Variants in BMPR1B observed in about 807,000 individuals in gnomAD.
BMPR1B encodes the protein bone morphogenetic protein receptor type-1B.
A neutral mutation model predicts 59.1 loss-of-function variants in BMPR1B; 12 were observed. The ratio of observed to expected loss-of-function variants is 0.20; its 90% CI spans 0.13 to 0.33. BMPR1B has a LOEUF of 0.33. Among genes scored for constraint, BMPR1B ranks in the 10% least tolerant of loss-of-function variants. The probability of loss-of-function intolerance (pLI) is 1.00; values close to 1 mark genes in which losing one functional copy is unlikely to be tolerated. For synonymous variants in BMPR1B, 237 were observed against 207.3 expected (o/e 1.14, Z -1.23); for missense variants, 550 against 610.9 (o/e 0.90, Z 1.05).
intron 2 of BMPR1B, among the ~76,000 whole-genome samples, chr4:94,944,378 C>T (rs927049069): frequency 1.3e-5 from 2 of 152,148 alleles, no homozygotes. Context: ...ATATCTGCTT[C>T]TGATCCGGGA....
intron 3 of BMPR1B, among the ~76,000 whole-genome samples, chr4:95,012,320 A>G (rs1337156321): frequency 1.3e-5 from 2 of 152,188 alleles, no homozygotes; most frequent in African/African-American, 4.8e-5. Context: ...CTATTAGACA[A>G]TTAAGGAACT....
intron 2 of BMPR1B, among the ~76,000 whole-genome samples, chr4:94,904,704 A>T (rs1727972531): frequency 6.6e-6 from 1 of 152,088 alleles, no homozygotes; most frequent in African/African-American, 2.4e-5. Context: ...AAGTTCTCTG[A>T]GGTTTTAAAA....
intron 1 of BMPR1B, among the ~76,000 whole-genome samples, chr4:94,824,677 G>T (rs1195307248): frequency 1.3e-5 from 2 of 152,086 alleles, no homozygotes; most frequent in Non-Finnish European, 2.9e-5. Context: ...AGGCAAATAA[G>T]AATTTTATTT....
At chr4:95,127,497 T>TA (rs1348088052) in intron 8 of BMPR1B, among the ~76,000 whole-genome samples, 1 of 152,178 alleles carries the variant, frequency 6.6e-6, no homozygotes, top group Non-Finnish European at 1.5e-5. Flanking sequence ...AAACTGCTTA[T>TA]GTTAGGAAAT....
At chr4:95,028,502 C>T (rs532840073) in intron 3 of BMPR1B, among the ~76,000 whole-genome samples, 1 of 152,204 alleles carries the variant, frequency 6.6e-6, no homozygotes, top group African/African-American at 2.4e-5. Flanking sequence ...TCTTGTCTCC[C>T]ATGGCTGGAA....
chr4:94,882,650 A>G (rs1007292643), intron 2 of BMPR1B, among the ~76,000 whole-genome samples: 3 of 152,218 alleles, frequency 2.0e-5, no homozygotes, highest in Non-Finnish European at 4.4e-5. Context: ...TAGAATTGGT[A>G]GGGTGGAGAT....
chr4:94,905,680 G>T (rs573928032), intron 2 of BMPR1B, among the ~76,000 whole-genome samples: 1 of 152,022 alleles, frequency 6.6e-6, no homozygotes, highest in South Asian at 2.1e-4. Flanking sequence ...GCATAGCCTG[G>T]CAGCTGTGAT....
chr4:95,085,949 C>T (rs936055691), intron 3 of BMPR1B, among the ~76,000 whole-genome samples: 3 of 151,652 alleles, frequency 2.0e-5, no homozygotes, highest in Non-Finnish European at 4.4e-5. Flanking sequence ...TAATTTGTTA[C>T]CTGTTGACCC....
At chr4:94,902,049 GT>G in intron 2 of BMPR1B, among the ~76,000 whole-genome samples, 1 of 37,888 alleles carries the variant, frequency 2.6e-5, no homozygotes, top group South Asian at 1.1e-3. Flanking sequence ...ACTGCATGGT[GT>G]GTGTGTGTGT....
At chr4:94,942,613 A>G (rs1022573603) in intron 2 of BMPR1B, among the ~76,000 whole-genome samples, 1 of 152,180 alleles carries the variant, frequency 6.6e-6, no homozygotes, top group African/African-American at 2.4e-5. Flanking sequence ...GAAATATATC[A>G]TTTTCAAATT....
chr4:94,955,060 A>C (rs1430297927), intron 2 of BMPR1B, among the ~76,000 whole-genome samples: 1 of 152,288 alleles, frequency 6.6e-6, no homozygotes, highest in South Asian at 2.1e-4. Flanking sequence ...CTTAGAACTT[A>C]TGTTGCTTTA....
chr4:94,838,401 G>A lies in BMPR1B; in HGVS notation c.-182-37430G>A, dbSNP rs943193276. ...ATCCATCTGGTCCTGGACTCTTTTTGGTTGGTAAGCTATTGATTATTGCCA... is the reference window on the plus strand; with the variant it reads ...ATCCATCTGGTCCTGGACTCTTTTTAGTTGGTAAGCTATTGATTATTGCCA... On this transcript the variant is annotated intron_variant, in intron 1 of 12. Coordinates refer to ENST00000515059, the MANE Select transcript of BMPR1B (RefSeq NM_001203.3). 1.2e-4 allele frequency among the ~76,000 whole-genome samples: 14 copies of A among 117,260 alleles called. 2 individuals are homozygous for A. The highest frequency in any genetic ancestry group is 8.1e-3 in the Middle Eastern group (2 of 246). 76.9% of individuals were successfully genotyped at this position (117,260 alleles called of 152,430 possible).
chr4:95,152,534 C>A, intron 11 of BMPR1B, 109 bp from the exon 12 acceptor site: 1 of 957,828 alleles, frequency 1.0e-6, no homozygotes, highest in Non-Finnish European at 1.5e-6. Context: ...TCTGCCTGAA[C>A]TTGTCTGTAA....
rs185560778 is a variant in BMPR1B at position 94,825,953 on chromosome 4, T to C, written c.-182-49878T>C. On this transcript the variant is annotated intron_variant, in intron 1 of 12. Transcript: ENST00000515059. ...CAGGCATATGGTAACATTTCTTTTT[T>C]ATTTTAGGCTTTTGCATTACAGATA... Among the ~76,000 whole-genome samples, 156 of 152,360 alleles carry C rather than the reference T, an allele frequency of 1.0e-3. 1 individual carries two copies. Among genetic ancestry groups the C allele is most frequent in the African/African-American group, 3.7e-3 (153 of 41,594 alleles).
intron 3 of BMPR1B, among the ~76,000 whole-genome samples, chr4:95,023,221 C>T (rs548767469): frequency 1.3e-5 from 2 of 152,258 alleles, no homozygotes; most frequent in East Asian, 3.9e-4. Context: ...CCTCAGAGAT[C>T]GTTGCCTTCT....
At chr4:94,967,466 C>T (rs1252988424) in intron 2 of BMPR1B, among the ~76,000 whole-genome samples, 1 of 151,858 alleles carries the variant, frequency 6.6e-6, no homozygotes, top group Non-Finnish European at 1.5e-5. Flanking sequence ...CCCCTCCCCT[C>T]TCCTCTCTCC....
At chr4:95,146,643 A>G (rs918479100) in intron 10 of BMPR1B, among the ~76,000 whole-genome samples, 5 of 152,076 alleles carry the variant, frequency 3.3e-5, no homozygotes, top group Non-Finnish European at 5.9e-5. Context: ...TCTTCTTTTC[A>G]TCTGCAAACC....
chr4:95,151,137 GAC>G lies in BMPR1B; in HGVS notation c.1253-1504_1253-1503del, dbSNP rs573391683. Among the ~76,000 whole-genome samples, 117 of 152,314 alleles carry G rather than the reference GAC, an allele frequency of 7.7e-4. No individual in the cohort carries two copies. In the South Asian group the frequency reaches 0.023, roughly 29 times the overall value. ...TTTCCATCTTTTAAAGGAGAAGAAA[GAC>G]AGAAAGGTTTGAGGTTTCAAACAGA... On this transcript the variant is annotated intron_variant, in intron 11 of 12. Coordinates refer to ENST00000515059, the MANE Select transcript of BMPR1B (RefSeq NM_001203.3).
intron 3 of BMPR1B, among the ~76,000 whole-genome samples, chr4:95,101,623 C>G (rs1730826814): frequency 6.6e-6 from 1 of 151,884 alleles, no homozygotes; most frequent in Non-Finnish European, 1.5e-5. Context: ...GCTTTTGTAG[C>G]TTTATTATCA....
Sources: gnomAD v4.1 joint callset for allele counts (sites outside exome capture counted in the v4.1 genomes callset) on GRCh38, gnomAD v4.1.1 for gene constraint, MANE v1.5 for transcripts, NCBI Gene and HGNC (gene_info 2026-07-23, HGNC 2026-07-21) for gene names.